SETD1A: variants seen among roughly 807,000 people sequenced by gnomAD.
SETD1A encodes SET domain containing 1A, histone lysine methyltransferase, also known as histone-lysine N-methyltransferase SETD1A.
A neutral mutation model predicts 149.9 loss-of-function variants in SETD1A; 29 were observed. That is an observed-to-expected ratio of 0.19 (90% confidence interval 0.14 to 0.26). SETD1A has a LOEUF of 0.26. SETD1A is among the 10% of genes least tolerant of loss of function. SETD1A has a pLI of 1.00. For synonymous variants in SETD1A, 1,141 were observed against 968.5 expected, an observed-to-expected ratio of 1.18 and a Z score of -3.31; for missense variants, 2,109 against 2,353.1, an observed-to-expected ratio of 0.90 and a Z score of 2.15.
intron 13 of SETD1A, among the ~76,000 whole-genome samples, chr16:30,975,250 C>T (rs1456601977): frequency 6.6e-6 from 1 of 151,672 alleles, no homozygotes; most frequent in Non-Finnish European, 1.5e-5. Context: ...GTGGAGGTTG[C>T]GGTGAGCCGA....
rs1317940646 is a variant in SETD1A, at chr16:30,967,563, C to A, written c.2745C>A (p.Ser915=). ...EASEEKRPRP[S]TPAEEDEDDP... ...GTGAGGAAAAGAGGCCTCGTCCCTC[C>A]ACTCCTGCTGAGGAAGATGAAGACG... The change falls in exon 10 of 19, where the codon TCC becomes TCA. Residue 915 remains serine, a synonymous_variant. Transcript: ENST00000262519. The A allele has an allele frequency of 6.2e-7, 1 of 1,613,974 alleles. No individual in the cohort carries two copies. The highest frequency in any genetic ancestry group is 1.7e-5 in the Admixed American group (1 of 59,986).
At chr16:30,973,229 T>C (rs528817839) in intron 13 of SETD1A, among the ~76,000 whole-genome samples, 4 of 152,200 alleles carry the variant, frequency 2.6e-5, no homozygotes, top group African/African-American at 9.6e-5. Flanking sequence ...AGGAATGACA[T>C]GGTCAGATGT....
chr16:30,965,519 A>C, intron 7 of SETD1A, 58 bp downstream of exon 7: 1 of 1,588,890 alleles, frequency 6.3e-7, no homozygotes, highest in Non-Finnish European at 8.6e-7. Flanking sequence ...GGTTGGGCCT[A>C]GGGGAGAGGG....
At chr16:30,962,858 T>C (rs953228098) in intron 4 of SETD1A, among the ~76,000 whole-genome samples, 5 of 152,246 alleles carry the variant, frequency 3.3e-5, no homozygotes, top group Admixed American at 1.3e-4. Flanking sequence ...GGCATGAGAA[T>C]CACTTGAACC....
chr16:30,972,629 ACT>A (rs1338873437), intron 13 of SETD1A, among the ~76,000 whole-genome samples: 2 of 135,952 alleles, frequency 1.5e-5, no homozygotes, highest in East Asian at 2.0e-4. Context: ...ACAGAGCGAG[ACT>A]CTGTCTCAAA....
intron 6 of SETD1A, 33 bp downstream of exon 6, chr16:30,964,356 G>C (rs564712058): frequency 1.3e-6 from 2 of 1,544,766 alleles, no homozygotes. Flanking sequence ...GGCCCCGCCC[G>C]CAAAGTCTGG....
chr16:30,976,133 G>A (rs1009095097), intron 13 of SETD1A, among the ~76,000 whole-genome samples: 3 of 152,052 alleles, frequency 2.0e-5, no homozygotes, highest in Admixed American at 6.6e-5. Context: ...CAGTCCAGGC[G>A]CGGTGGCTCA....
Position 30,967,575 on chromosome 16 carries a change from G to A in SETD1A, c.2757G>A (p.Glu919=), listed in dbSNP as rs762321880. Residue 919 remains glutamate, a synonymous_variant, in exon 10 of 19, where the codon GAG becomes GAA. Transcript: ENST00000262519. ...EKRPRPSTPA[E]EDEDDPEQEK... Reference sequence around the variant, plus strand: ...GGCCTCGTCCCTCCACTCCTGCTGAGGAAGATGAAGACGGTGAGCAGGGTC... The same window carrying A: ...GGCCTCGTCCCTCCACTCCTGCTGAAGAAGATGAAGACGGTGAGCAGGGTC... 1.2e-6 allele frequency: 2 copies of A among 1,613,978 alleles called. No individual in the cohort carries two copies. The highest frequency in any genetic ancestry group is 1.7e-6 in the Non-Finnish European group (2 of 1,179,872).
chr16:30,963,022 G>A (rs1283839467), intron 4 of SETD1A, among the ~76,000 whole-genome samples: 3 of 152,180 alleles, frequency 2.0e-5, no homozygotes, highest in Non-Finnish European at 4.4e-5. Context: ...TTAGTCCCCC[G>A]GTTGCTGTTC....
At chr16:30,971,805 G>C in intron 13 of SETD1A, 86 bp downstream of exon 13, 1 of 1,439,852 alleles carries the variant, frequency 6.9e-7, no homozygotes. Context: ...TTGTGTACAA[G>C]TGTGTGACTT....
At chr16:30,972,489 T>C (rs1299153043) in intron 13 of SETD1A, among the ~76,000 whole-genome samples, 1 of 151,930 alleles carries the variant, frequency 6.6e-6, no homozygotes, top group Non-Finnish European at 1.5e-5. Context: ...ATACAAAAAA[T>C]TAGCCAGGTA....
intron 17 of SETD1A, among the ~76,000 whole-genome samples, chr16:30,982,752 G>A (rs2143600207): frequency 6.6e-6 from 1 of 152,126 alleles, no homozygotes; most frequent in South Asian, 2.1e-4. Context: ...AAAGGCAAGG[G>A]TGGCCCGACC....
In SETD1A at chr16:30,968,621, T is replaced by C. The variant is rs532511052; in HGVS notation, c.2771-684T>C. Among the ~76,000 whole-genome samples the C allele has an allele frequency of 6.8e-3, 1,028 of 151,526 alleles. 6 individuals carry two copies. The highest frequency in any genetic ancestry group is 0.012 in the Non-Finnish European group (847 of 67,870). ...ATCGAGACCATCCTGGCCAACATGG[T>C]GAAACCCCGTCTCTACTAACAATAG... is the stretch of plus-strand genomic sequence containing the variant. On this transcript the variant is annotated intron_variant, in intron 10 of 18. Coordinates refer to ENST00000262519, the MANE Select transcript of SETD1A (RefSeq NM_014712.3).
chr16:30,974,468 C>T (rs965111920), intron 13 of SETD1A, among the ~76,000 whole-genome samples: 5 of 151,988 alleles, frequency 3.3e-5, no homozygotes, highest in African/African-American at 9.7e-5. Flanking sequence ...AGGCTGAGAG[C>T]GGTGACCAGA....
chr16:30,971,682 C>A lies in SETD1A; in HGVS notation c.3321C>A (p.Pro1107=). 1 of 1,592,346 alleles carries A rather than the reference C, an allele frequency of 6.3e-7. No homozygotes were observed. Among genetic ancestry groups the A allele is most frequent in the Non-Finnish European group, 8.6e-7 (1 of 1,166,396 alleles). Residue 1107 remains proline (P), a synonymous_variant, in exon 13 of 19, where the codon CCC becomes CCA. Coordinates refer to ENST00000262519, the MANE Select transcript of SETD1A (RefSeq NM_014712.3). ...GGGTTGCAGGCTCCCCAGTCACACC[C>A]CTGCCCGAACAGGAGGCGTCTCCAG... ...PERVAGSPVT[P]LPEQEASPAR...
intron 13 of SETD1A, among the ~76,000 whole-genome samples, chr16:30,977,703 G>A (rs2056300931): frequency 1.3e-5 from 2 of 152,238 alleles, no homozygotes; most frequent in Admixed American, 6.5e-5. Flanking sequence ...GCCACAGGCT[G>A]AGACCCCAGC....
intron 17 of SETD1A, among the ~76,000 whole-genome samples, chr16:30,982,318 T>C (rs907276923): frequency 5.7e-4 from 86 of 151,964 alleles, no homozygotes; most frequent in Admixed American, 2.2e-3. Flanking sequence ...CTGGCCAGCA[T>C]GCTAAAACCC....
chr16:30,963,156 G>A (rs1469994786), intron 4 of SETD1A, among the ~76,000 whole-genome samples: 1 of 151,610 alleles, frequency 6.6e-6, no homozygotes, highest in African/African-American at 2.4e-5. Context: ...TAGAACAGAG[G>A]TACTGATGCT....
chr16:30,971,517 CTCG>C lies in SETD1A; in HGVS notation c.3159_3161del (p.Ser1058del), dbSNP rs1567357828. On this transcript the variant is annotated inframe_deletion, in exon 13 of 19. Transcript: ENST00000262519. Reference sequence around the variant, plus strand: ...CCTCCTCCTCCTCGTCCTCATCCTCCTCGTCCTCTTCATCCTCTGAGTCCTCCT... The same window carrying C: ...CCTCCTCCTCCTCGTCCTCATCCTCCTCCTCTTCATCCTCTGAGTCCTCCT... 1 of 1,613,902 alleles carries C rather than the reference CTCG, an allele frequency of 6.2e-7. No individual in the cohort carries two copies.
Sources: gnomAD v4.1 joint callset for allele counts (sites outside exome capture counted in the v4.1 genomes callset) on GRCh38, gnomAD v4.1.1 for gene constraint, MANE v1.5 for transcripts, NCBI Gene and HGNC (gene_info 2026-07-23, HGNC 2026-07-21) for gene names.